Variants in SLC25A48 observed in about 807,000 individuals in gnomAD.
The protein encoded by SLC25A48 is CTC-321K16.1.
In SLC25A48, 29 loss-of-function variants were observed where a neutral mutation model predicts 32.2. The observed-to-expected ratio is 0.90, with a 90% CI of 0.67 to 1.23. The LOEUF (loss-of-function observed/expected upper bound fraction) is 1.23. SLC25A48 is among the 50% of genes most tolerant of loss of function. SLC25A48 has a pLI of 0.00. For missense variants in SLC25A48, 399 were observed against 422.7 expected (o/e 0.94, Z 0.49); for synonymous variants, 164 against 172.3 (o/e 0.95, Z 0.38).
chr5:135,678,967 A>G (rs1255489059), intron 3 of SLC25A48, among the ~76,000 whole-genome samples: 1 of 152,116 alleles, frequency 6.6e-6, no homozygotes, highest in Non-Finnish European at 1.5e-5. Flanking sequence ...GACAGTGTAC[A>G]CTAGCACCGG....
chr5:135,671,142 C>CT (rs1304784739), intron 3 of SLC25A48, among the ~76,000 whole-genome samples: 1 of 152,112 alleles, frequency 6.6e-6, no homozygotes, highest in African/African-American at 2.4e-5. Flanking sequence ...AAACCTAACT[C>CT]TAACATCAGA....
chr5:135,778,507 A>G (rs1194392598), intron 3 of SLC25A48, among the ~76,000 whole-genome samples: 1 of 151,474 alleles, frequency 6.6e-6, no homozygotes, highest in Non-Finnish European at 1.5e-5. Flanking sequence ...AGAGGATGAT[A>G]TTACTCCCAA....
At chr5:135,885,741 T>C (rs2126847810) in intron 7 of SLC25A48, among the ~76,000 whole-genome samples, 1 of 152,296 alleles carries the variant, frequency 6.6e-6, no homozygotes, top group Admixed American at 6.5e-5. Flanking sequence ...AGCATGACCA[T>C]GTTAATTGAG....
At chr5:135,871,885 T>C (rs1581043017) in intron 5 of SLC25A48, 167 bp downstream of exon 5, 1 of 1,503,430 alleles carries the variant, frequency 6.7e-7, no homozygotes, top group East Asian at 2.3e-5. Context: ...CTCTCCCACC[T>C]CAGTCTCATC....
intron 3 of SLC25A48, among the ~76,000 whole-genome samples, chr5:135,772,770 G>A (rs1054851578): frequency 6.6e-6 from 1 of 151,548 alleles, no homozygotes; most frequent in African/African-American, 2.4e-5. Context: ...ATATCCAAGA[G>A]AGGAGAAGAT....
chr5:135,653,481 A>T (rs1753166277), intron 3 of SLC25A48, among the ~76,000 whole-genome samples: 2 of 152,242 alleles, frequency 1.3e-5, no homozygotes, highest in South Asian at 4.1e-4. Flanking sequence ...TCACTCTACC[A>T]GGTAAAGACC....
At chr5:135,579,240 T>C (rs1301781116) in exon 1 of SLC25A48, 2 of 216,300 alleles carry the variant, frequency 9.2e-6, no homozygotes, top group Non-Finnish European at 9.0e-6. Flanking sequence ...ACACGCCGCC[T>C]TCGCACACTT....
At chr5:135,788,733 G>C (rs1485223668) in intron 3 of SLC25A48, among the ~76,000 whole-genome samples, 1 of 151,132 alleles carries the variant, frequency 6.6e-6, no homozygotes, top group African/African-American at 2.4e-5. Flanking sequence ...GGCGGGAGGT[G>C]TACACCCCCC....
At chr5:135,882,638 G>C (rs1762558297) in intron 7 of SLC25A48, among the ~76,000 whole-genome samples, 1 of 152,098 alleles carries the variant, frequency 6.6e-6, no homozygotes, top group Admixed American at 6.6e-5. Context: ...CAAGTTCCAT[G>C]CGGGAAGATC....
chr5:135,646,881 G>T (rs1752976989), intron 3 of SLC25A48, among the ~76,000 whole-genome samples: 2 of 151,334 alleles, frequency 1.3e-5, no homozygotes, highest in South Asian at 4.2e-4. Context: ...GGATGAATAG[G>T]TTCTAGAGAT....
intron 2 of SLC25A48, among the ~76,000 whole-genome samples, chr5:135,630,834 T>C (rs1168726323): frequency 3.9e-5 from 6 of 152,032 alleles, no homozygotes; most frequent in Non-Finnish European, 7.4e-5. Flanking sequence ...ACTTGTGACC[T>C]CAAGTGATCT....
At chr5:135,755,310 A>G (rs368752986) in intron 3 of SLC25A48, among the ~76,000 whole-genome samples, 29 of 152,228 alleles carry the variant, frequency 1.9e-4, no homozygotes, top group African/African-American at 6.7e-4. Flanking sequence ...TATCGCTGTA[A>G]TAGTTATCAT....
intron 3 of SLC25A48, among the ~76,000 whole-genome samples, chr5:135,706,317 CA>C (rs1206772187): frequency 6.6e-6 from 1 of 152,114 alleles, no homozygotes; most frequent in Non-Finnish European, 1.5e-5. Flanking sequence ...TAGGAGGTAC[CA>C]TACAGCAAGA....
intron 7 of SLC25A48, among the ~76,000 whole-genome samples, chr5:135,884,886 C>A (rs60829485): frequency 1.3e-5 from 2 of 151,882 alleles, no homozygotes; most frequent in African/African-American, 4.8e-5. Context: ...TGAGCTTTTC[C>A]TAGTTTCTAT....
chr5:135,773,105 G>A (rs4315919), intron 3 of SLC25A48, among the ~76,000 whole-genome samples: 55,874 of 150,922 alleles, frequency 0.37, 12,270 homozygotes, highest in Non-Finnish European at 0.49. Flanking sequence ...ATCGCAGGGG[G>A]TGTACAATCC....
In SLC25A48 at chr5:135,597,151, A is replaced by T. The variant is rs138849011; in HGVS notation, c.-849+17554A>T. ...ATAAGGTTGATTTGAGGATTAAATG[A>T]GTTAATGTATTAATATTTACAGCTC... On this transcript the variant is annotated intron_variant, in intron 1 of 10. Coordinates refer to the SLC25A48 transcript ENST00000646290. Among the ~76,000 whole-genome samples the T allele has an allele frequency of 1.6e-4, 24 of 152,312 alleles. No homozygotes were observed. The East Asian group carries it at 4.2e-3, about 27-fold the overall frequency.
chr5:135,621,942 A>G (rs1448888412), intron 1 of SLC25A48, among the ~76,000 whole-genome samples: 2 of 152,196 alleles, frequency 1.3e-5, no homozygotes, highest in Non-Finnish European at 2.9e-5. Flanking sequence ...ATAAAGGAAT[A>G]TTTACATTAT....
chr5:135,592,327 T>A (rs895176060), intron 1 of SLC25A48, among the ~76,000 whole-genome samples: 4 of 152,172 alleles, frequency 2.6e-5, no homozygotes, highest in African/African-American at 9.7e-5. Flanking sequence ...GAACAGGTGT[T>A]TTCTGCTGCT....
At chr5:135,877,822 G>A (rs1383230265) in intron 6 of SLC25A48, among the ~76,000 whole-genome samples, 1 of 152,140 alleles carries the variant, frequency 6.6e-6, no homozygotes, top group African/African-American at 2.4e-5. Context: ...TCCACCTGGG[G>A]GTGGCCATGG....
Sources: gnomAD v4.1 joint callset for allele counts (sites outside exome capture counted in the v4.1 genomes callset) on GRCh38, gnomAD v4.1.1 for gene constraint, MANE v1.5 for transcripts, NCBI Gene and HGNC (gene_info 2026-07-23, HGNC 2026-07-21) for gene names.